Variants in RBFOX1 observed in about 807,000 individuals in gnomAD.
The protein encoded by RBFOX1 is RNA binding fox-1 homolog 1.
A neutral mutation model predicts 57.7 loss-of-function variants in RBFOX1; 8 were observed. That is an observed-to-expected ratio of 0.14 (90% CI 0.08 to 0.25). The LOEUF is 0.25. RBFOX1 is among the 10% of genes least tolerant of loss of function. The pLI is 1.00. For synonymous variants in RBFOX1, 326 were observed against 222.4 expected, an observed-to-expected ratio of 1.47 and a Z score of -4.15; for missense variants, 611 against 548.5, an observed-to-expected ratio of 1.11 and a Z score of -1.14.
At chr16:5,681,742 A>G (rs1027554864) in intron 3 of RBFOX1, among the ~76,000 whole-genome samples, 3 of 152,142 alleles carry the variant, frequency 2.0e-5, no homozygotes, top group Non-Finnish European at 1.5e-5. Flanking sequence ...TAATGCAAAG[A>G]ACGAGAAGGG....
rs150800101 is a variant in RBFOX1 at position 5,961,840 on chromosome 16, C to G, written c.351+94505C>G. Among the ~76,000 whole-genome samples, 253 of 152,294 alleles carry G rather than the reference C, an allele frequency of 1.7e-3. 2 individuals are homozygous for G. The highest frequency in any genetic ancestry group is 5.6e-3 in the African/African-American group (234 of 41,566). Reference sequence around the variant, plus strand: ...ATCATGTCCCGCCTCCCCTTGTTCTCTAACCTCCTTTATCAGGTATAACTG... The same window carrying G: ...ATCATGTCCCGCCTCCCCTTGTTCTGTAACCTCCTTTATCAGGTATAACTG... On this transcript the variant is annotated intron_variant, in intron 4 of 19. Coordinates refer to the RBFOX1 transcript ENST00000641259.
In RBFOX1 at chr16:6,668,531, A is replaced by C. The variant is rs371946958; in HGVS notation, c.-16+13881A>C. Among the ~76,000 whole-genome samples the C allele has an allele frequency of 3.2e-4, 48 of 152,224 alleles. 1 individual carries two copies. The highest frequency in any genetic ancestry group is 1.2e-3 in the East Asian group (6 of 5,190). On this transcript the variant is annotated intron_variant, in intron 3 of 15. Transcript: ENST00000550418. ...ATGGATAGTGCATGGCTTAAAGATA[A>C]TTTAGCAAATAAGAGCTTTATATCA...
chr16:5,807,011 AC>A (rs1338340481), intron 3 of RBFOX1, among the ~76,000 whole-genome samples: 5 of 151,916 alleles, frequency 3.3e-5, no homozygotes, highest in Non-Finnish European at 7.4e-5. Context: ...AGCTAGAGCT[AC>A]CCCCCGACAC....
intron 3 of RBFOX1, among the ~76,000 whole-genome samples, chr16:5,699,306 G>A (rs1020494638): frequency 1.3e-5 from 2 of 150,520 alleles, no homozygotes; most frequent in African/African-American, 4.9e-5. Context: ...GTAAATTGAA[G>A]TATTTACATA....
intron 1 of RBFOX1, among the ~76,000 whole-genome samples, chr16:6,124,425 A>T (rs2096574012): frequency 3.9e-5 from 6 of 151,980 alleles, no homozygotes; most frequent in Admixed American, 3.9e-4. Flanking sequence ...GCCTAAGATG[A>T]CCCCTAGGGA....
chr16:6,941,300 CTCCTTCCTTCCTTCCTTCCTTCCT>C (rs57110590), intron 3 of RBFOX1, among the ~76,000 whole-genome samples: 178 of 79,218 alleles, frequency 2.2e-3, no homozygotes, highest in African/African-American at 2.5e-3. Flanking sequence ...CCCTCCCTCC[CTCCTTCCTTCCTTCCTTCCTTCCT>C]TCCTTCCTTC....
chr16:7,016,218 A>T (rs999182867), intron 3 of RBFOX1, among the ~76,000 whole-genome samples: 2 of 152,124 alleles, frequency 1.3e-5, no homozygotes, highest in South Asian at 2.1e-4. Flanking sequence ...CGCCATCAAC[A>T]TGTATCCCCA....
intron 1 of RBFOX1, among the ~76,000 whole-genome samples, chr16:6,171,326 A>T (rs1459481866): frequency 6.6e-6 from 1 of 152,240 alleles, no homozygotes; most frequent in Non-Finnish European, 1.5e-5. Context: ...ACAGGTTTTC[A>T]TGCATCCCCT....
At chr16:7,081,841 C>A (rs930441198) in intron 4 of RBFOX1, among the ~76,000 whole-genome samples, 6 of 152,168 alleles carry the variant, frequency 3.9e-5, no homozygotes, top group Non-Finnish European at 8.8e-5. Flanking sequence ...ATATGTTTAA[C>A]CATCTTCCTG....
chr16:7,417,992 G>A (rs2098501097), intron 4 of RBFOX1, among the ~76,000 whole-genome samples: 1 of 152,090 alleles, frequency 6.6e-6, no homozygotes, highest in South Asian at 2.1e-4. Context: ...TCATCCCACA[G>A]ATGGGCTCCA....
chr16:5,769,537 C>T lies in RBFOX1; in HGVS notation c.319-97766C>T, dbSNP rs142505157. ...GTATGGTGGCAGGCACCTGTAATCCCATCTACTTGGGAGGCTGAGGCAAGA... is the reference window on the plus strand; with the variant it reads ...GTATGGTGGCAGGCACCTGTAATCCTATCTACTTGGGAGGCTGAGGCAAGA... On this transcript the variant is annotated intron_variant, in intron 3 of 19. Coordinates refer to the RBFOX1 transcript ENST00000641259. 2.4e-4 allele frequency among the ~76,000 whole-genome samples: 37 copies of T among 151,800 alleles called. No individual in the cohort carries two copies. The East Asian group carries it at 6.8e-3, about 28-fold the overall frequency.
chr16:6,728,727 C>T (rs529447446), intron 3 of RBFOX1, among the ~76,000 whole-genome samples: 2 of 152,074 alleles, frequency 1.3e-5, no homozygotes, highest in East Asian at 3.9e-4. Context: ...ATTTAATGCT[C>T]AATAGAAGAA....
intron 1 of RBFOX1, chr16:5,467,194 CT>C: frequency 6.9e-7 from 1 of 1,448,802 alleles, no homozygotes; most frequent in Non-Finnish European, 9.2e-7. Flanking sequence ...CTCTCTCTCT[CT>C]CTTTTTTTTT....
At chr16:6,639,211 T>C (rs1434713514) in intron 2 of RBFOX1, among the ~76,000 whole-genome samples, 1 of 152,242 alleles carries the variant, frequency 6.6e-6, no homozygotes, top group African/African-American at 2.4e-5. Context: ...CCTTCTTTAA[T>C]TGGCATAAAT....
chr16:6,324,181 C>T (rs1310335688), intron 2 of RBFOX1, among the ~76,000 whole-genome samples: 1 of 116,494 alleles, frequency 8.6e-6, no homozygotes, highest in Non-Finnish European at 1.6e-5. Flanking sequence ...ATAGTTCATG[C>T]TCTGTGTTCA....
chr16:5,306,931 C>T (rs1007473297), intron 1 of RBFOX1, among the ~76,000 whole-genome samples: 3 of 152,180 alleles, frequency 2.0e-5, no homozygotes, highest in African/African-American at 7.2e-5. Flanking sequence ...GAAGCAGCAG[C>T]CAGTGGGGGT....
intron 4 of RBFOX1, among the ~76,000 whole-genome samples, chr16:7,180,628 T>A (rs2152519095): frequency 6.6e-6 from 1 of 152,174 alleles, no homozygotes; most frequent in African/African-American, 2.4e-5. Context: ...GCCTATGGTG[T>A]TAGAAAGGAT....
chr16:5,373,330 G>T (rs1244750073), intron 1 of RBFOX1, among the ~76,000 whole-genome samples: 1 of 152,190 alleles, frequency 6.6e-6, no homozygotes, highest in Non-Finnish European at 1.5e-5. Flanking sequence ...TGTAATCCCT[G>T]ATGTTGGAGG....
At chr16:7,142,394 C>A (rs1302165105) in intron 4 of RBFOX1, among the ~76,000 whole-genome samples, 1 of 152,118 alleles carries the variant, frequency 6.6e-6, no homozygotes, top group African/African-American at 2.4e-5. Context: ...ATGTCCTGAG[C>A]TTCTTGTTGA....
Sources: allele counts gnomAD v4.1 joint callset (sites outside exome capture counted in the v4.1 genomes callset), GRCh38; gene constraint gnomAD v4.1.1; transcripts MANE v1.5; gene names NCBI Gene and HGNC (gene_info 2026-07-23, HGNC 2026-07-21).